COG6: variants seen among roughly 807,000 people sequenced by gnomAD.
COG6 encodes the protein component of oligomeric golgi complex 6, also known as conserved oligomeric Golgi complex subunit 6.
Under a neutral mutation model 88.8 loss-of-function variants are expected in COG6, and 74 were observed. The ratio of observed to expected loss-of-function variants is 0.83; its 90% CI spans 0.69 to 1.01. The LOEUF is 1.01. Among genes scored for constraint, COG6 ranks in the 50% least tolerant of loss-of-function variants. The probability of loss-of-function intolerance (pLI) is 0.00; values close to 1 mark genes in which losing one functional copy is unlikely to be tolerated. For synonymous variants in COG6, 286 were observed against 278.7 expected, an observed-to-expected ratio of 1.03 and a Z score of -0.26; for missense variants, 800 against 797.9, an observed-to-expected ratio of 1.00 and a Z score of -0.03.
chr13:39,768,908 A>AT (rs1485789472), intron 18 of COG6, among the ~76,000 whole-genome samples: 1 of 151,840 alleles, frequency 6.6e-6, no homozygotes, highest in Non-Finnish European at 1.5e-5. Flanking sequence ...CTTTCACTTG[A>AT]TTTTTTTAAG....
At chr13:39,787,030 G>A (rs1225644123) in intron 18 of COG6, among the ~76,000 whole-genome samples, 2 of 152,148 alleles carry the variant, frequency 1.3e-5, no homozygotes, top group African/African-American at 4.8e-5. Flanking sequence ...ATTTACAGAT[G>A]GGAAATGGAA....
chr13:39,748,199 T>C (rs1053896590), intron 18 of COG6, among the ~76,000 whole-genome samples: 2 of 152,222 alleles, frequency 1.3e-5, no homozygotes, highest in African/African-American at 2.4e-5. Flanking sequence ...ATGTTATATC[T>C]AACAAAGTTT....
intron 18 of COG6, among the ~76,000 whole-genome samples, chr13:39,747,081 G>A (rs1448804001): frequency 6.6e-6 from 1 of 152,156 alleles, no homozygotes; most frequent in African/African-American, 2.4e-5. Context: ...CAGTCTTGGA[G>A]AGGTTAAATT....
rs114651078 is a variant in COG6, at chr13:39,721,243, G to A, written c.1584+1416G>A. On this transcript the variant is annotated intron_variant, in intron 15 of 18. Coordinates refer to ENST00000455146, the MANE Select transcript of COG6 (RefSeq NM_020751.3). The stretch of plus-strand genomic sequence containing the variant: ...TGTGTTCCATAGCTATTTTACGCAT[G>A]GTAAAAATTCTTCTTGGTCTATGTG... Among the ~76,000 whole-genome samples, 1,158 of 152,004 alleles carry A rather than the reference G, an allele frequency of 7.6e-3. 13 individuals carry two copies. Among genetic ancestry groups the A allele is most frequent in the African/African-American group, 0.026 (1,095 of 41,442 alleles).
downstream of COG6, among the ~76,000 whole-genome samples, chr13:39,754,618 G>T (rs1238779167): frequency 6.6e-6 from 1 of 151,890 alleles, no homozygotes; most frequent in Non-Finnish European, 1.5e-5. Context: ...AATTTGCTTG[G>T]CATAGGGCCT....
chr13:39,657,675 G>A (rs998706542), intron 1 of COG6, among the ~76,000 whole-genome samples: 5 of 152,088 alleles, frequency 3.3e-5, no homozygotes, highest in African/African-American at 1.2e-4. Context: ...ACATGAAAGG[G>A]TAAGCCTACT....
At chr13:39,672,888 C>A (rs893310887) in intron 4 of COG6, among the ~76,000 whole-genome samples, 1 of 152,006 alleles carries the variant, frequency 6.6e-6, no homozygotes, top group South Asian at 2.1e-4. Context: ...AGTTTCTGTA[C>A]ATCTTTGTTT....
intron 18 of COG6, among the ~76,000 whole-genome samples, chr13:39,763,206 G>A (rs1046941422): frequency 5.3e-5 from 8 of 151,634 alleles, no homozygotes; most frequent in African/African-American, 1.9e-4. Flanking sequence ...ATATTTAGTA[G>A]CAACCTTGCT....
chr13:39,733,955 G>A (rs919168977), intron 18 of COG6, among the ~76,000 whole-genome samples: 2 of 151,920 alleles, frequency 1.3e-5, no homozygotes, highest in African/African-American at 2.4e-5. Context: ...AATTTCTGGG[G>A]TATTGGCTGT....
chr13:39,778,591 A>G (rs1297906942), intron 18 of COG6, among the ~76,000 whole-genome samples: 2 of 152,248 alleles, frequency 1.3e-5, no homozygotes, highest in African/African-American at 4.8e-5. Context: ...GCCACTTAGA[A>G]GCTGTATTAG....
At chr13:39,717,745 G>A (rs961806345) in intron 13 of COG6, among the ~76,000 whole-genome samples, 1 of 152,060 alleles carries the variant, frequency 6.6e-6, no homozygotes, top group African/African-American at 2.4e-5. Flanking sequence ...TGTGCCTGTA[G>A]TCCTAGCTGT....
chr13:39,720,419 T>C (rs1274586849), intron 15 of COG6, among the ~76,000 whole-genome samples: 3 of 152,128 alleles, frequency 2.0e-5, no homozygotes, highest in Non-Finnish European at 4.4e-5. Flanking sequence ...GCAGTGATTA[T>C]TGGTAAATAT....
chr13:39,687,377 G>GACCGC (rs1209792784), intron 8 of COG6, 126 bp from the exon 9 acceptor site: 22 of 833,710 alleles, frequency 2.6e-5, no homozygotes, highest in Non-Finnish European at 3.1e-5. Flanking sequence ...AATGTTGCTT[G>GACCGC]ACCGAATATC....
Position 39,761,356 on chromosome 13 carries a change from T to C in COG6, c.1827-26979T>C, listed in dbSNP as rs1008512002. Among the ~76,000 whole-genome samples the C allele has an allele frequency of 2.0e-5, 3 of 151,942 alleles. No homozygotes were observed. In the East Asian group the frequency reaches 5.8e-4, roughly 29 times the overall value. Reference sequence around the variant, plus strand: ...TATGTACAGCAGTTGCAAACTGATATTCATATGCAGAAAGTGAAACTAGAC... The same window carrying C: ...TATGTACAGCAGTTGCAAACTGATACTCATATGCAGAAAGTGAAACTAGAC... On this transcript the variant is annotated intron_variant, in intron 18 of 18. Transcript: ENST00000416691.
intron 18 of COG6, among the ~76,000 whole-genome samples, chr13:39,731,667 T>C (rs1432141760): frequency 6.6e-6 from 1 of 152,202 alleles, no homozygotes; most frequent in Non-Finnish European, 1.5e-5. Flanking sequence ...AGGTTTTTCC[T>C]CCATTATAGA....
chr13:39,686,442 T>G (rs1417684032), intron 8 of COG6, among the ~76,000 whole-genome samples: 1 of 152,192 alleles, frequency 6.6e-6, no homozygotes, highest in Non-Finnish European at 1.5e-5. Flanking sequence ...ATTCCCCAGT[T>G]AAAAGCTTTC....
At chr13:39,756,640 C>T (rs893788186), downstream of COG6, among the ~76,000 whole-genome samples, 14 of 151,886 alleles carry the variant, frequency 9.2e-5, no homozygotes, top group African/African-American at 3.1e-4. Context: ...AGAGGTAATT[C>T]ATCACGTACA....
intron 18 of COG6, among the ~76,000 whole-genome samples, chr13:39,758,711 C>G (rs1051388126): frequency 1.3e-5 from 2 of 152,116 alleles, no homozygotes; most frequent in Admixed American, 1.3e-4. Context: ...TATGACCTAG[C>G]AATTCTATGC....
At chr13:39,655,643 C>A, upstream of COG6, 3 of 1,480,406 alleles carry the variant, frequency 2.0e-6, no homozygotes, top group Non-Finnish European at 2.8e-6. Context: ...CATGCGCGGC[C>A]GATTTGCACA....
Sources: gnomAD v4.1 joint callset for allele counts (sites outside exome capture counted in the v4.1 genomes callset) on GRCh38, gnomAD v4.1.1 for gene constraint, MANE v1.5 for transcripts, NCBI Gene and HGNC (gene_info 2026-07-23, HGNC 2026-07-21) for gene names.